DSE: variants seen among roughly 807,000 people sequenced by gnomAD.
DSE encodes the protein dermatan-sulfate epimerase.
Under a neutral mutation model 84.4 loss-of-function variants are expected in DSE, and 36 were observed. That is an observed-to-expected ratio of 0.43 (90% CI 0.33 to 0.56). The LOEUF (loss-of-function observed/expected upper bound fraction) is 0.56, where lower values mean the gene tolerates loss of function less well. DSE is among the 20% of genes least tolerant of loss of function. The pLI is 0.06. For missense variants in DSE, 862 were observed against 1,169.6 expected, an observed-to-expected ratio of 0.74 and a Z score of 3.84; for synonymous variants, 410 against 430.1, an observed-to-expected ratio of 0.95 and a Z score of 0.58.
At chr6:116,301,199 G>C (rs773528342) in intron 2 of DSE, among the ~76,000 whole-genome samples, 1 of 152,036 alleles carries the variant, frequency 6.6e-6, no homozygotes, top group Non-Finnish European at 1.5e-5. Flanking sequence ...GATCCAGAGA[G>C]CACACAAACA....
intron 2 of DSE, among the ~76,000 whole-genome samples, chr6:116,325,162 A>G (rs555757399): frequency 4.6e-5 from 7 of 152,340 alleles, no homozygotes; most frequent in Admixed American, 6.5e-5. Context: ...AAGCCTCCAA[A>G]CCCACAAGTC....
intron 2 of DSE, among the ~76,000 whole-genome samples, chr6:116,290,073 C>T (rs923832993): frequency 3.9e-5 from 6 of 151,926 alleles, no homozygotes; most frequent in Non-Finnish European, 8.8e-5. Context: ...TTAAGAAATC[C>T]CAGAGATATC....
intron 2 of DSE, chr6:116,400,714 G>A (rs1235112892): frequency 1.3e-5 from 2 of 152,122 alleles, no homozygotes; most frequent in Non-Finnish European, 2.9e-5. Flanking sequence ...AATATTGTAG[G>A]TTGAAAAGAA....
Position 116,412,804 on chromosome 6 carries a change from AG to A in DSE, c.416+13139del, listed in dbSNP as rs559259194. ...ATTCAATTTATCCTGACACCCAGGT[AG>A]TAAGCATAATACTCAATAGGAAGTT... On this transcript the variant is annotated intron_variant, in intron 2 of 5. Coordinates refer to ENST00000644252, the MANE Select transcript of DSE (RefSeq NM_013352.4). 3.9e-5 allele frequency: 6 copies of A among 152,168 alleles called. No homozygotes were observed. The East Asian group carries it at 1.2e-3, about 29-fold the overall frequency. The allele number at this position is 152,168 out of a possible 1,614,324, so 9.4% of individuals were successfully genotyped here.
At chr6:116,361,953 C>G (rs909447857) in intron 2 of DSE, among the ~76,000 whole-genome samples, 5 of 152,098 alleles carry the variant, frequency 3.3e-5, no homozygotes, top group African/African-American at 1.2e-4. Flanking sequence ...TGAAAATTAT[C>G]TAGACTATGT....
At chr6:116,308,651 A>G (rs1775487832) in intron 2 of DSE, among the ~76,000 whole-genome samples, 1 of 152,114 alleles carries the variant, frequency 6.6e-6, no homozygotes, top group Non-Finnish European at 1.5e-5. Context: ...GGTGATAATA[A>G]CACCCATCTT....
chr6:116,398,552 T>G (rs1781393636), intron 1 of DSE, among the ~76,000 whole-genome samples: 1 of 152,230 alleles, frequency 6.6e-6, no homozygotes, highest in South Asian at 2.1e-4. Context: ...GTGTTTGGTC[T>G]TCACTACATG....
chr6:116,276,692 T>C (rs942904772), intron 2 of DSE: 1 of 152,236 alleles, frequency 6.6e-6, no homozygotes, highest in Non-Finnish European at 1.5e-5. Context: ...CATTCAAGCA[T>C]TACATTTATG....
At chr6:116,428,706 C>T (rs746682709) in intron 3 of DSE, among the ~76,000 whole-genome samples, 16 of 152,046 alleles carry the variant, frequency 1.1e-4, no homozygotes, top group Non-Finnish European at 1.9e-4. Flanking sequence ...ACAGTAACCC[C>T]AGAGAGTGAA....
At chr6:116,342,447 A>G (rs1400459710) in intron 2 of DSE, among the ~76,000 whole-genome samples, 2 of 151,536 alleles carry the variant, frequency 1.3e-5, no homozygotes, top group East Asian at 1.9e-4. Flanking sequence ...ACACCTGGCT[A>G]ATTTTTGTAT....
At chr6:116,345,304 A>G (rs996988729) in intron 2 of DSE, among the ~76,000 whole-genome samples, 3 of 152,244 alleles carry the variant, frequency 2.0e-5, no homozygotes, top group Non-Finnish European at 4.4e-5. Context: ...CCCCAAATCA[A>G]CAGAATATAC....
chr6:116,381,444 T>C (rs557686440), intron 1 of DSE, among the ~76,000 whole-genome samples: 1 of 152,276 alleles, frequency 6.6e-6, no homozygotes, highest in South Asian at 2.1e-4. Context: ...AGGGAAATGA[T>C]ATGAAAATGG....
chr6:116,298,076 T>C (rs534659514), intron 2 of DSE, among the ~76,000 whole-genome samples: 1 of 152,316 alleles, frequency 6.6e-6, no homozygotes, highest in East Asian at 1.9e-4. Flanking sequence ...TTGTCATTTA[T>C]TGACTTGGTG....
At chr6:116,308,683 TG>T (rs1775490596) in intron 2 of DSE, among the ~76,000 whole-genome samples, 1 of 152,154 alleles carries the variant, frequency 6.6e-6, no homozygotes, top group Non-Finnish European at 1.5e-5. Flanking sequence ...TTTTGTTTTT[TG>T]GGGTTTTTTT....
intron 2 of DSE, among the ~76,000 whole-genome samples, chr6:116,425,246 A>G (rs1483924489): frequency 1.3e-5 from 2 of 152,192 alleles, no homozygotes; most frequent in African/African-American, 2.4e-5. Flanking sequence ...GTATCCTTAC[A>G]TATTATGTCT....
At chr6:116,399,051 T>C (rs1470514688) in intron 1 of DSE, 147 bp from the exon 2 acceptor site, 8 of 651,066 alleles carry the variant, frequency 1.2e-5, no homozygotes, top group Non-Finnish European at 2.0e-5. Flanking sequence ...GTAATTTTCT[T>C]CCTAATTAAA....
intron 2 of DSE, among the ~76,000 whole-genome samples, chr6:116,328,364 C>T (rs1211832321): frequency 6.6e-6 from 1 of 152,194 alleles, no homozygotes; most frequent in Non-Finnish European, 1.5e-5. Flanking sequence ...TTATGAGTCA[C>T]TTAGATTTTA....
At chr6:116,353,033 G>T (rs926636403) in intron 2 of DSE, among the ~76,000 whole-genome samples, 13 of 152,208 alleles carry the variant, frequency 8.5e-5, no homozygotes, top group Non-Finnish European at 1.2e-4. Context: ...GTAAGAGAGA[G>T]ATATGAGTCT....
At chr6:116,407,357 C>A (rs540720735) in intron 2 of DSE, among the ~76,000 whole-genome samples, 2 of 152,240 alleles carry the variant, frequency 1.3e-5, no homozygotes, top group Admixed American at 1.3e-4. Flanking sequence ...AGATGGTTCA[C>A]TTTTTTACAT....
Sources: allele counts gnomAD v4.1 joint callset (sites outside exome capture counted in the v4.1 genomes callset), GRCh38; gene constraint gnomAD v4.1.1; transcripts MANE v1.5; gene names NCBI Gene and HGNC (gene_info 2026-07-23, HGNC 2026-07-21).